Variants in GRAMD1C observed in about 807,000 individuals in gnomAD.
GRAMD1C encodes the protein GRAM domain containing 1C, also known as protein Aster-C.
In GRAMD1C, 89 loss-of-function variants were observed where a neutral mutation model predicts 97.8. The observed-to-expected ratio is 0.91, with a 90% CI of 0.77 to 1.09. GRAMD1C has a LOEUF of 1.09. GRAMD1C is among the 50% of genes least tolerant of loss of function. GRAMD1C has a pLI of 0.00. For missense variants in GRAMD1C, 740 were observed against 766.4 expected, an observed-to-expected ratio of 0.97 and a Z score of 0.41; for synonymous variants, 256 against 267.0, an observed-to-expected ratio of 0.96 and a Z score of 0.40.
chr3:113,885,166 G>A (rs1188965766), intron 6 of GRAMD1C: 21 of 614,912 alleles, frequency 3.4e-5, no homozygotes, highest in East Asian at 1.9e-4. Context: ...CGCCCGCTCC[G>A]TGCCCCTCTC....
chr3:113,913,123 T>C (rs991598173), intron 9 of GRAMD1C: 42 of 1,284,262 alleles, frequency 3.3e-5, no homozygotes, highest in Non-Finnish European at 4.1e-5. Flanking sequence ...AATTTAGGAC[T>C]TTAGGAAGAT....
At chr3:113,852,116 A>ATT (rs199775678) in intron 2 of GRAMD1C, among the ~76,000 whole-genome samples, 1 of 150,972 alleles carries the variant, frequency 6.6e-6, no homozygotes, top group Admixed American at 6.6e-5. Flanking sequence ...AATAAAACTG[A>ATT]TTTTTTTTTG....
At chr3:113,855,068 T>C (rs955456056) in intron 2 of GRAMD1C, among the ~76,000 whole-genome samples, 4 of 152,248 alleles carry the variant, frequency 2.6e-5, no homozygotes, top group African/African-American at 7.2e-5. Flanking sequence ...TCCCAGCAAT[T>C]TGGGGGGCCG....
intron 6 of GRAMD1C, among the ~76,000 whole-genome samples, chr3:113,887,573 C>T (rs1029414246): frequency 7.4e-5 from 11 of 149,300 alleles, no homozygotes; most frequent in Admixed American, 2.7e-4. Context: ...GGTGGTAGGG[C>T]ACCTGTAGTC....
chr3:113,833,779 A>G (rs1709596215), intron 1 of GRAMD1C, among the ~76,000 whole-genome samples: 1 of 152,174 alleles, frequency 6.6e-6, no homozygotes, highest in African/African-American at 2.4e-5. Flanking sequence ...GATTGTGGTA[A>G]GGTTTTGGTG....
intron 6 of GRAMD1C, 62 bp from the exon 7 acceptor site, chr3:113,900,969 A>C (rs1200495218): frequency 4.7e-6 from 4 of 859,628 alleles, no homozygotes; most frequent in Non-Finnish European, 7.9e-6. Flanking sequence ...TCATGTTTTG[A>C]ATCACTGTGA....
chr3:113,843,940 A>T (rs917331053), intron 1 of GRAMD1C, among the ~76,000 whole-genome samples: 1 of 152,170 alleles, frequency 6.6e-6, no homozygotes, highest in Non-Finnish European at 1.5e-5. Context: ...CCTACTGGGC[A>T]TTGCAAATTG....
At chr3:113,911,186 A>ACACACACACACACG (rs1460888643) in intron 9 of GRAMD1C, among the ~76,000 whole-genome samples, 1 of 151,170 alleles carries the variant, frequency 6.6e-6, no homozygotes, top group Non-Finnish European at 1.5e-5. Flanking sequence ...ACACACACAC[A>ACACACACACACACG]CACGCACACG....
chr3:113,857,168 C>A (rs1370409283), intron 2 of GRAMD1C, among the ~76,000 whole-genome samples: 4 of 120,826 alleles, frequency 3.3e-5, no homozygotes, highest in Non-Finnish European at 5.5e-5. Context: ...TTAAAAAAAA[C>A]AAACAAACAA....
intron 3 of GRAMD1C, among the ~76,000 whole-genome samples, chr3:113,874,492 G>A (rs1003058389): frequency 6.6e-6 from 1 of 152,046 alleles, no homozygotes; most frequent in Non-Finnish European, 1.5e-5. Flanking sequence ...GGGATTACAG[G>A]TGCCCACTAC....
At chr3:113,852,601 A>G (rs902200549) in intron 2 of GRAMD1C, among the ~76,000 whole-genome samples, 1 of 152,116 alleles carries the variant, frequency 6.6e-6, no homozygotes, top group African/African-American at 2.4e-5. Flanking sequence ...CGAGGGAAAT[A>G]TACCTAAGGG....
chr3:113,872,391 C>CTTTTTTTTTTTTTTTTT (rs777339692), intron 3 of GRAMD1C, among the ~76,000 whole-genome samples: 4 of 117,454 alleles, frequency 3.4e-5, no homozygotes, highest in African/African-American at 3.6e-5. Flanking sequence ...TCTTTTTTTT[C>CTTTTTTTTTTTTTTTTT]TTTTTTTTTT....
rs374385425 is a variant in GRAMD1C at position 113,903,112 on chromosome 3, G to A, written c.657-1028G>A. Among the ~76,000 whole-genome samples, 39 of 150,220 alleles carry A rather than the reference G, an allele frequency of 2.6e-4. 1 individual carries two copies. The South Asian group carries it at 8.0e-3, about 31-fold the overall frequency. ...CCCAAGTAGCTGAGACTTCAGGTGC[G>A]TGCCACCACGCCCAGCTAATTTTTG... is the stretch of plus-strand genomic sequence containing the variant. On this transcript the variant is annotated intron_variant, in intron 7 of 17. Coordinates refer to ENST00000358160, the MANE Select transcript of GRAMD1C (RefSeq NM_017577.5).
intron 10 of GRAMD1C, among the ~76,000 whole-genome samples, chr3:113,917,528 G>A (rs530580963): frequency 6.6e-5 from 10 of 151,760 alleles, no homozygotes; most frequent in Non-Finnish European, 1.2e-4. Flanking sequence ...TGCCGTGTTG[G>A]CCATGCTGGT....
At chr3:113,885,018 G>A (rs1453285992) in intron 6 of GRAMD1C, among the ~76,000 whole-genome samples, 1 of 135,198 alleles carries the variant, frequency 7.4e-6, no homozygotes, top group African/African-American at 2.8e-5. Flanking sequence ...ATCCTAGCCC[G>A]ACCTGTCTCG....
intron 2 of GRAMD1C, among the ~76,000 whole-genome samples, chr3:113,851,869 T>C (rs1371737744): frequency 1.3e-5 from 2 of 151,444 alleles, no homozygotes; most frequent in Non-Finnish European, 2.9e-5. Flanking sequence ...TGTACTTTAT[T>C]TATTTATTTA....
At chr3:113,934,868 C>T (rs1180792281) in intron 13 of GRAMD1C, among the ~76,000 whole-genome samples, 2 of 152,058 alleles carry the variant, frequency 1.3e-5, no homozygotes, top group Non-Finnish European at 2.9e-5. Context: ...CTCAGCTTCC[C>T]GAGTAGCTGG....
At chr3:113,872,391 C>CTTTTTTTTTTTTTTTTTTTTTTTTTTT (rs777339692) in intron 3 of GRAMD1C, among the ~76,000 whole-genome samples, 1 of 117,440 alleles carries the variant, frequency 8.5e-6, no homozygotes, top group Non-Finnish European at 1.7e-5. Flanking sequence ...TCTTTTTTTT[C>CTTTTTTTTTTTTTTTTTTTTTTTTTTT]TTTTTTTTTT....
intron 14 of GRAMD1C, 156 bp downstream of exon 14, chr3:113,936,598 AATAT>A (rs1937583119): frequency 3.7e-6 from 2 of 540,168 alleles, no homozygotes; most frequent in East Asian, 6.1e-5. Flanking sequence ...TAAGATAACT[AATAT>A]ATAAGTATAA....
Sources: gnomAD v4.1 joint callset for allele counts (sites outside exome capture counted in the v4.1 genomes callset) on GRCh38, gnomAD v4.1.1 for gene constraint, MANE v1.5 for transcripts, NCBI Gene and HGNC (gene_info 2026-07-23, HGNC 2026-07-21) for gene names.